Variants in RAB38 observed in about 807,000 individuals in gnomAD.
RAB38 encodes ras-related protein Rab-38.
A neutral mutation model predicts 18.4 loss-of-function variants in RAB38; 15 were observed. That is an observed-to-expected ratio of 0.82 (90% CI 0.55 to 1.26). RAB38 has a LOEUF of 1.26. RAB38 is among the 50% of genes most tolerant of loss of function. The pLI is 0.00. For synonymous variants in RAB38, 101 were observed against 104.4 expected (o/e 0.97, Z 0.20); for missense variants, 294 against 267.4 (o/e 1.10, Z -0.69).
At chr11:87,956,451 T>G in the RAB38 span, among the ~76,000 whole-genome samples, 1 of 152,138 alleles carries the variant, frequency 6.6e-6, no homozygotes, top group East Asian at 1.9e-4. Flanking sequence ...CTGCAGAGAT[T>G]TGCTTAGCAC....
chr11:87,955,326 CAAAAT>C, the RAB38 span, among the ~76,000 whole-genome samples: 2 of 152,206 alleles, frequency 1.3e-5, no homozygotes, highest in African/African-American at 2.4e-5. Flanking sequence ...GTTCCCATTA[CAAAAT>C]AAAATAAGTC....
downstream of RAB38, among the ~76,000 whole-genome samples, chr11:88,109,141 C>G (rs1942440411): frequency 6.6e-6 from 1 of 152,090 alleles, no homozygotes; most frequent in Non-Finnish European, 1.5e-5. Flanking sequence ...AACTATACTA[C>G]AAGGCTACAA....
At chr11:87,838,918 C>T in the RAB38 span, among the ~76,000 whole-genome samples, 97 of 152,290 alleles carry the variant, frequency 6.4e-4, no homozygotes, top group Non-Finnish European at 2.2e-4. Flanking sequence ...AATGTATTCT[C>T]CATTTCACAG....
the RAB38 span, among the ~76,000 whole-genome samples, chr11:87,813,990 T>G: frequency 6.6e-6 from 1 of 152,208 alleles, no homozygotes; most frequent in Non-Finnish European, 1.5e-5. Context: ...GCATTTCCAC[T>G]GGGCAGGGAT....
the RAB38 span, among the ~76,000 whole-genome samples, chr11:88,050,769 G>A: frequency 1.3e-5 from 2 of 152,128 alleles, no homozygotes; most frequent in African/African-American, 2.4e-5. Flanking sequence ...TTTTCTCACA[G>A]AGTATAGCTG....
the RAB38 span, among the ~76,000 whole-genome samples, chr11:88,087,526 T>C: frequency 6.6e-6 from 1 of 151,908 alleles, no homozygotes; most frequent in Non-Finnish European, 1.5e-5. Context: ...CAATCTTTTA[T>C]TGAATGGCAC....
the RAB38 span, among the ~76,000 whole-genome samples, chr11:87,845,063 GAACC>G: frequency 6.6e-6 from 1 of 152,114 alleles, no homozygotes; most frequent in Non-Finnish European, 1.5e-5. Flanking sequence ...ACTGAAATTT[GAACC>G]ATCATCCACA....
At chr11:88,071,236 G>A in the RAB38 span, among the ~76,000 whole-genome samples, 1 of 111,268 alleles carries the variant, frequency 9.0e-6, no homozygotes, top group East Asian at 2.3e-4. Context: ...TTAATCCACT[G>A]GGGGAGGACA....
chr11:87,850,453 T>C, the RAB38 span, among the ~76,000 whole-genome samples: 9,010 of 152,046 alleles, frequency 0.059, 398 homozygotes, highest in African/African-American at 0.13. Flanking sequence ...TCATTTTCCT[T>C]GTAAAGCAGA....
the RAB38 span, among the ~76,000 whole-genome samples, chr11:87,822,466 AACCATGTGTTG>A: frequency 1.3e-5 from 2 of 152,204 alleles, no homozygotes; most frequent in Admixed American, 1.3e-4. Flanking sequence ...CAAGACTTCA[AACCATGTGTTG>A]ACAGGTATAG....
intron 1 of RAB38, among the ~76,000 whole-genome samples, chr11:88,161,372 C>A (rs1348027701): frequency 1.3e-5 from 2 of 152,066 alleles, no homozygotes; most frequent in Non-Finnish European, 2.9e-5. Context: ...AATCTCACCA[C>A]ATTTGTGCAT....
chr11:88,174,843 ATTGGCAGAAC>A (rs1943362982), intron 1 of RAB38, among the ~76,000 whole-genome samples: 1 of 152,214 alleles, frequency 6.6e-6, no homozygotes, highest in Admixed American at 6.5e-5. Context: ...GGGCTGCGTC[ATTGGCAGAAC>A]TGCCCGCGCC....
chr11:88,068,942 A>C, the RAB38 span, among the ~76,000 whole-genome samples: 1 of 152,168 alleles, frequency 6.6e-6, no homozygotes, highest in Non-Finnish European at 1.5e-5. Flanking sequence ...CGGTGGCCAG[A>C]GTGGACACGC....
chr11:88,087,163 A>C, the RAB38 span, among the ~76,000 whole-genome samples: 1 of 152,042 alleles, frequency 6.6e-6, no homozygotes, highest in Admixed American at 6.6e-5. Flanking sequence ...CTAATGCTTA[A>C]TCCTTGTATC....
the RAB38 span, among the ~76,000 whole-genome samples, chr11:87,845,129 C>A: frequency 6.6e-6 from 1 of 152,040 alleles, no homozygotes. Context: ...GTAACAACAT[C>A]CTGCAGATTG....
At chr11:88,128,180 G>A (rs1942727203) in intron 2 of RAB38, among the ~76,000 whole-genome samples, 1 of 152,134 alleles carries the variant, frequency 6.6e-6, no homozygotes, top group Non-Finnish European at 1.5e-5. Context: ...AACTATCTTG[G>A]TCACTATGAG....
chr11:88,081,318 T>C, the RAB38 span, among the ~76,000 whole-genome samples: 1 of 151,964 alleles, frequency 6.6e-6, no homozygotes, highest in Admixed American at 6.6e-5. Context: ...AAAATGTATG[T>C]CCACACAAAG....
At chr11:87,856,080 G>T in the RAB38 span, among the ~76,000 whole-genome samples, 9 of 152,172 alleles carry the variant, frequency 5.9e-5, no homozygotes, top group Non-Finnish European at 2.9e-5. Context: ...GGTACATGTT[G>T]TGGTAAGGGA....
At chr11:87,842,844 ACAAAT>A in the RAB38 span, among the ~76,000 whole-genome samples, 3 of 146,628 alleles carry the variant, frequency 2.0e-5, no homozygotes, top group African/African-American at 5.1e-5. Context: ...ACACACACAC[ACAAAT>A]CCCTTTTTAT....
Sources: gnomAD v4.1 joint callset for allele counts (sites outside exome capture counted in the v4.1 genomes callset) on GRCh38, gnomAD v4.1.1 for gene constraint, MANE v1.5 for transcripts, NCBI Gene and HGNC (gene_info 2026-07-23, HGNC 2026-07-21) for gene names.